KIF18A: variants seen among roughly 807,000 people sequenced by gnomAD.
KIF18A encodes kinesin-like protein KIF18A.
In KIF18A, 67 loss-of-function variants were observed where a neutral mutation model predicts 103.3. The observed-to-expected ratio is 0.65, with a 90% CI of 0.53 to 0.79. The LOEUF (loss-of-function observed/expected upper bound fraction) is 0.79, where lower values mean the gene tolerates loss of function less well. Ranked by LOEUF, KIF18A falls within the 30% of genes least tolerant of loss-of-function variation. The pLI is 0.00. For synonymous variants in KIF18A, 367 were observed against 355.5 expected, an observed-to-expected ratio of 1.03 and a Z score of -0.36; for missense variants, 1,032 against 1,062.5, an observed-to-expected ratio of 0.97 and a Z score of 0.40.
chr11:28,060,940 T>G (rs1405646232), intron 12 of KIF18A, among the ~76,000 whole-genome samples: 2 of 152,194 alleles, frequency 1.3e-5, no homozygotes, highest in African/African-American at 2.4e-5. Context: ...GTGATTCCAC[T>G]GGAGGAAGAC....
chr11:28,073,183 G>A lies in KIF18A; in HGVS notation c.1426-3760C>T, dbSNP rs561815300. Among the ~76,000 whole-genome samples the A allele has an allele frequency of 3.3e-5, 5 of 152,240 alleles. No individual in the cohort carries two copies. The East Asian group carries it at 9.7e-4, about 30-fold the overall frequency. Reference sequence around the variant, plus strand: ...TTCTGGCTACTTTCAAATTCTGAGAGAAGGTATGGCCACAGATCAGTGAAA... The same window carrying A: ...TTCTGGCTACTTTCAAATTCTGAGAAAAGGTATGGCCACAGATCAGTGAAA... On this transcript the variant is annotated intron_variant, in intron 10 of 16. Transcript: ENST00000263181.
chr11:28,079,979 G>A (rs181956040), intron 9 of KIF18A, among the ~76,000 whole-genome samples: 8 of 152,062 alleles, frequency 5.3e-5, no homozygotes, highest in Admixed American at 5.2e-4. Flanking sequence ...TTCTGTATTG[G>A]TTTATATCAC....
chr11:28,043,630 T>TAA (rs36163975), intron 13 of KIF18A, among the ~76,000 whole-genome samples: 5 of 151,278 alleles, frequency 3.3e-5, no homozygotes, highest in Non-Finnish European at 7.4e-5. Context: ...TTTGATGATA[T>TAA]AAAAAAATGT....
chr11:28,061,091 T>C lies in KIF18A; in HGVS notation c.1712+1304A>G, dbSNP rs79594602. 4.2e-3 allele frequency among the ~76,000 whole-genome samples: 639 copies of C among 152,346 alleles called. 7 individuals carry two copies. Among genetic ancestry groups the C allele is most frequent in the African/African-American group, 0.015 (615 of 41,578 alleles). On this transcript the variant is annotated intron_variant, in intron 12 of 16. Coordinates refer to ENST00000263181, the MANE Select transcript of KIF18A (RefSeq NM_031217.4). Reference sequence around the variant, plus strand: ...TGATGAGTCCTGTGAGTCCTCCTAATGAATCACTGAACCTGAAAGTAGTCC... The same window carrying C: ...TGATGAGTCCTGTGAGTCCTCCTAACGAATCACTGAACCTGAAAGTAGTCC...
At chr11:28,098,959 G>T (rs912673966) in intron 1 of KIF18A, among the ~76,000 whole-genome samples, 1 of 151,802 alleles carries the variant, frequency 6.6e-6, no homozygotes, top group Admixed American at 6.6e-5. Flanking sequence ...GTGAGACTTA[G>T]GACGATCCTG....
At chr11:28,031,798 T>C (rs958517144) in intron 15 of KIF18A, among the ~76,000 whole-genome samples, 4 of 151,980 alleles carry the variant, frequency 2.6e-5, no homozygotes, top group African/African-American at 7.2e-5. Flanking sequence ...CTGAAATTCT[T>C]TTCTCTAAGT....
chr11:28,061,839 C>CA (rs949953881), intron 12 of KIF18A, among the ~76,000 whole-genome samples: 4 of 151,012 alleles, frequency 2.6e-5, no homozygotes, highest in East Asian at 1.9e-4. Context: ...TCCAATGTGA[C>CA]AAAAAAAAGA....
chr11:28,044,569 T>C (rs1464890497), intron 13 of KIF18A, among the ~76,000 whole-genome samples: 1 of 152,138 alleles, frequency 6.6e-6, no homozygotes, highest in Non-Finnish European at 1.5e-5. Context: ...TCTATTCATC[T>C]GTTCCTGCAT....
intron 7 of KIF18A, among the ~76,000 whole-genome samples, chr11:28,083,939 G>A (rs531897665): frequency 1.9e-4 from 29 of 152,094 alleles, no homozygotes; most frequent in African/African-American, 6.7e-4. Context: ...GTGGCAGAGG[G>A]GAAAGGGAGA....
At chr11:28,036,097 GA>G (rs1850482798) in intron 14 of KIF18A, 119 bp downstream of exon 14, 5 of 599,990 alleles carry the variant, frequency 8.3e-6, no homozygotes, top group African/African-American at 1.9e-5. Context: ...AAAATTTAAT[GA>G]AAATAAAACA....
chr11:28,036,541 T>A lies in KIF18A; in HGVS notation c.2072A>T (p.Gln691Leu), dbSNP rs764366000. The change falls in exon 14 of 17, where the codon CAG (glutamine) becomes CTG (leucine). Residue 691 changes from glutamine (Q) to leucine (L), a missense_variant. Transcript: ENST00000263181. ...TTCTTTGCTAAGAGAATCATTGAGC[T>A]GCACACTTTGAGATGGTGGAGACTT... ...TLKSPPSQSV[Q>L]LNDSLSKELQ... 5.6e-6 allele frequency: 9 copies of A among 1,611,120 alleles called. No individual in the cohort carries two copies. In the South Asian group the frequency reaches 8.8e-5, roughly 16 times the overall value.
intron 13 of KIF18A, among the ~76,000 whole-genome samples, chr11:28,044,586 T>A (rs1029543035): frequency 6.6e-6 from 1 of 152,128 alleles, no homozygotes; most frequent in Non-Finnish European, 1.5e-5. Flanking sequence ...GCATTATGGC[T>A]AGAGATTCCC....
At chr11:28,032,953 C>A (rs1212369975) in intron 15 of KIF18A, among the ~76,000 whole-genome samples, 1 of 151,558 alleles carries the variant, frequency 6.6e-6, no homozygotes, top group East Asian at 2.0e-4. Flanking sequence ...AAAATACCTG[C>A]AAACTATCTA....
At chr11:28,052,829 C>T (rs1565076794) in intron 13 of KIF18A, among the ~76,000 whole-genome samples, 1 of 152,026 alleles carries the variant, frequency 6.6e-6, no homozygotes, top group African/African-American at 2.4e-5. Context: ...AAAAAACCTA[C>T]ACTTAAGATC....
At chr11:28,025,451 T>G (rs1388672109) in intron 15 of KIF18A, among the ~76,000 whole-genome samples, 3 of 152,012 alleles carry the variant, frequency 2.0e-5, no homozygotes, top group African/African-American at 4.8e-5. Context: ...TATCCCAAAG[T>G]TGTCTTTATT....
At chr11:28,076,909 G>A in intron 10 of KIF18A, 98 bp downstream of exon 10, 1 of 608,884 alleles carries the variant, frequency 1.6e-6, no homozygotes. Context: ...ACTCCAGCTT[G>A]GGCAACAGAA....
chr11:28,046,968 C>T (rs1403786971), intron 13 of KIF18A, among the ~76,000 whole-genome samples: 3 of 143,560 alleles, frequency 2.1e-5, no homozygotes, highest in East Asian at 2.1e-4. Context: ...GGAGGAGAAT[C>T]GCTTGAACCT....
At chr11:28,100,469 A>G (rs1340698587) in intron 1 of KIF18A, among the ~76,000 whole-genome samples, 1 of 149,030 alleles carries the variant, frequency 6.7e-6, no homozygotes, top group East Asian at 2.1e-4. Context: ...ATTTTGGGGC[A>G]GTAGTGGGGA....
chr11:28,031,905 GA>G (rs1477056037), intron 15 of KIF18A, among the ~76,000 whole-genome samples: 2 of 151,742 alleles, frequency 1.3e-5, no homozygotes, highest in East Asian at 1.9e-4. Flanking sequence ...AGAAAGAAAA[GA>G]AAGAAAGAAC....
Sources: allele counts gnomAD v4.1 joint callset (sites outside exome capture counted in the v4.1 genomes callset), GRCh38; gene constraint gnomAD v4.1.1; transcripts MANE v1.5; gene names NCBI Gene and HGNC (gene_info 2026-07-23, HGNC 2026-07-21).